The following SPTLC3 variants were observed in gnomAD, a reference collection of about 807,000 sequenced individuals.
SPTLC3 encodes serine palmitoyltransferase 3.
Under a neutral mutation model 59.3 loss-of-function variants are expected in SPTLC3, and 36 were observed. The ratio of observed to expected loss-of-function variants is 0.61; its 90% CI spans 0.47 to 0.80. The LOEUF (loss-of-function observed/expected upper bound fraction) is 0.80, where lower values mean the gene tolerates loss of function less well. Among genes scored for constraint, SPTLC3 ranks in the 30% least tolerant of loss-of-function variants. The pLI, the probability that SPTLC3 is intolerant of heterozygous loss-of-function variation, is 0.00. For synonymous variants in SPTLC3, 257 were observed against 240.8 expected (o/e 1.07, Z -0.62); for missense variants, 625 against 685.1 (o/e 0.91, Z 0.98).
At chr20:13,018,426 G>C (rs917409788) in intron 1 of SPTLC3, among the ~76,000 whole-genome samples, 3 of 152,130 alleles carry the variant, frequency 2.0e-5, no homozygotes, top group Admixed American at 6.5e-5. Flanking sequence ...GTATGCTTAA[G>C]CCCTTAACCA....
chr20:13,046,660 G>A (rs1600228799), intron 1 of SPTLC3, among the ~76,000 whole-genome samples: 2 of 152,206 alleles, frequency 1.3e-5, no homozygotes, highest in African/African-American at 4.8e-5. Context: ...AAGTTCAAGT[G>A]CAGAACAGAG....
intron 9 of SPTLC3, among the ~76,000 whole-genome samples, chr20:13,147,879 C>T (rs1311908481): frequency 6.6e-6 from 1 of 152,166 alleles, no homozygotes; most frequent in Non-Finnish European, 1.5e-5. Flanking sequence ...TAAAATAAGT[C>T]ATCCCATGGT....
intron 1 of SPTLC3, among the ~76,000 whole-genome samples, chr20:13,045,265 G>A (rs1987182412): frequency 6.6e-6 from 1 of 152,118 alleles, no homozygotes; most frequent in Non-Finnish European, 1.5e-5. Flanking sequence ...ACTAGATACT[G>A]TAGGCAATGT....
chr20:13,112,160 C>T (rs887242160), intron 7 of SPTLC3, among the ~76,000 whole-genome samples: 3 of 152,330 alleles, frequency 2.0e-5, no homozygotes, highest in African/African-American at 2.4e-5. Context: ...ACCAACTGGG[C>T]AGTTCTTCTA....
intron 1 of SPTLC3, among the ~76,000 whole-genome samples, chr20:13,020,162 CAT>C (rs1985794015): frequency 6.6e-6 from 1 of 152,060 alleles, no homozygotes; most frequent in Non-Finnish European, 1.5e-5. Context: ...GAATATCACA[CAT>C]AACACAAAGT....
intron 4 of SPTLC3, among the ~76,000 whole-genome samples, chr20:13,083,801 T>C (rs1988919340): frequency 6.6e-6 from 1 of 152,156 alleles, no homozygotes; most frequent in Non-Finnish European, 1.5e-5. Context: ...ATTATGCAGC[T>C]CCCAACATCA....
intron 1 of SPTLC3, among the ~76,000 whole-genome samples, chr20:13,036,534 C>T (rs140324865): frequency 6.0e-4 from 91 of 152,194 alleles, no homozygotes; most frequent in African/African-American, 2.0e-3. Context: ...AAATAACATA[C>T]AAAATATGTG....
Position 13,093,571 on chromosome 20 carries a change from C to A in SPTLC3, c.820C>A (p.His274Asn), listed in dbSNP as rs1989306132. The A allele has an allele frequency of 3.1e-6, 5 of 1,613,054 alleles. No homozygotes were observed. The highest frequency in any genetic ancestry group is 1.3e-5 in the African/African-American group (1 of 74,892). The stretch of plus-strand genomic sequence containing the variant: ...AGGTGCAACCATAAGAATCTTCAAA[C>A]ACAACAGTGAGTATCAGTGTATTTT... ...LSGATIRIFK[H>N]NNTQSLEKLL... Residue 274 changes from histidine to asparagine, a missense_variant, in exon 6 of 12, where the codon CAC (histidine) becomes AAC (asparagine). Coordinates refer to ENST00000399002, the MANE Select transcript of SPTLC3 (RefSeq NM_018327.4).
chr20:13,024,349 A>C (rs543421299), intron 1 of SPTLC3, among the ~76,000 whole-genome samples: 2 of 151,870 alleles, frequency 1.3e-5, no homozygotes, highest in Non-Finnish European at 2.9e-5. Context: ...TCATATATCT[A>C]CTACCTAGAT....
intron 4 of SPTLC3, among the ~76,000 whole-genome samples, chr20:13,081,913 C>T (rs1022914064): frequency 1.4e-4 from 21 of 152,240 alleles, no homozygotes; most frequent in African/African-American, 5.1e-4. Context: ...AAAATGAAAG[C>T]ATATCTTTGT....
chr20:13,114,765 A>G (rs1400215796), intron 7 of SPTLC3, among the ~76,000 whole-genome samples: 1 of 151,794 alleles, frequency 6.6e-6, no homozygotes, highest in Non-Finnish European at 1.5e-5. Context: ...TTTGAGTTAC[A>G]CTTTGGGCCC....
intron 2 of SPTLC3, among the ~76,000 whole-genome samples, chr20:13,057,038 C>A (rs1987761579): frequency 6.6e-6 from 1 of 152,200 alleles, no homozygotes; most frequent in African/African-American, 2.4e-5. Context: ...CCGCACCTGG[C>A]TCCCTTTAAT....
At chr20:13,025,053 G>A (rs957526770) in intron 1 of SPTLC3, among the ~76,000 whole-genome samples, 4 of 152,134 alleles carry the variant, frequency 2.6e-5, no homozygotes, top group African/African-American at 9.7e-5. Context: ...TACAAGCAAA[G>A]GCACTCCTTT....
rs1989310428 is a variant in SPTLC3 at position 13,093,645 on chromosome 20, A to G, written c.826+68A>G. On this transcript the variant is annotated intron_variant, in intron 6 of 11. Transcript: ENST00000399002. ...TAGAAGAAAGTAAAGATTATTGATG[A>G]GGCTTTGTTCTGCTCTTCAAGGTGA... 15 of 1,452,726 alleles carry G rather than the reference A, an allele frequency of 1.0e-5. No homozygotes were observed. In the East Asian group the frequency reaches 3.4e-4, roughly 33 times the overall value. The allele number at this position is 1,452,726 out of a possible 1,614,324, so 90.0% of individuals were successfully genotyped here.
intron 1 of SPTLC3, among the ~76,000 whole-genome samples, chr20:13,032,171 A>C (rs964281453): frequency 6.6e-6 from 1 of 152,182 alleles, no homozygotes; most frequent in African/African-American, 2.4e-5. Flanking sequence ...TATCAGAATA[A>C]CTCAATAAAA....
chr20:13,042,880 T>G (rs537190647), intron 1 of SPTLC3, among the ~76,000 whole-genome samples: 1 of 152,328 alleles, frequency 6.6e-6, no homozygotes, highest in South Asian at 2.1e-4. Context: ...AAAAGTTATA[T>G]TTTTATAATT....
At chr20:13,073,839 C>A in intron 3 of SPTLC3, 1 of 564,772 alleles carries the variant, frequency 1.8e-6, no homozygotes, top group African/African-American at 1.9e-5. Context: ...GGGAAAGTTC[C>A]TTCAACTTCT....
chr20:13,111,261 T>C (rs1191919367), intron 7 of SPTLC3, among the ~76,000 whole-genome samples: 1 of 152,144 alleles, frequency 6.6e-6, no homozygotes, highest in African/African-American at 2.4e-5. Context: ...TCACCTACCA[T>C]TACCTCCTCC....
chr20:13,073,979 C>A (rs1322646253), intron 3 of SPTLC3: 7 of 604,162 alleles, frequency 1.2e-5, no homozygotes, highest in Non-Finnish European at 2.3e-5. Context: ...CCTGGTATAT[C>A]CTGATGACCA....
Sources: gnomAD v4.1 joint callset for allele counts (sites outside exome capture counted in the v4.1 genomes callset) on GRCh38, gnomAD v4.1.1 for gene constraint, MANE v1.5 for transcripts, NCBI Gene and HGNC (gene_info 2026-07-23, HGNC 2026-07-21) for gene names.